The following UTP20 variants were observed in gnomAD, a reference collection of about 807,000 sequenced individuals.
UTP20 encodes UTP20 small subunit processome component.
In UTP20, 164 loss-of-function variants were observed where a neutral mutation model predicts 329.5. The observed-to-expected ratio is 0.50, with a 90% CI of 0.44 to 0.57. The LOEUF is 0.57. Among genes scored for constraint, UTP20 ranks in the 20% least tolerant of loss-of-function variants. The probability of loss-of-function intolerance (pLI) is 0.00; values close to 1 mark genes in which losing one functional copy is unlikely to be tolerated. For missense variants in UTP20, 3,055 were observed against 3,284.2 expected (o/e 0.93, Z 1.71); for synonymous variants, 1,151 against 1,159.3 (o/e 0.99, Z 0.14).
intron 2 of UTP20, among the ~76,000 whole-genome samples, chr12:101,281,958 C>G (rs1871811363): frequency 1.3e-5 from 2 of 152,244 alleles, no homozygotes; most frequent in East Asian, 1.9e-4. Flanking sequence ...TCGCCTTGGC[C>G]TCCGAAAGTG....
At chr12:101,368,320 A>G (rs1350608204) in intron 48 of UTP20, among the ~76,000 whole-genome samples, 12 of 152,042 alleles carry the variant, frequency 7.9e-5, no homozygotes, top group Non-Finnish European at 1.8e-4. Context: ...TTTAGTAGAC[A>G]CGGGGTTTCA....
chr12:101,369,048 G>A (rs1014280303), intron 48 of UTP20, among the ~76,000 whole-genome samples: 2 of 152,166 alleles, frequency 1.3e-5, no homozygotes, highest in Admixed American at 1.3e-4. Flanking sequence ...TTTTGCCATA[G>A]CACTTAACTA....
intron 43 of UTP20, among the ~76,000 whole-genome samples, chr12:101,358,024 G>A (rs564019518): frequency 6.6e-6 from 1 of 152,292 alleles, no homozygotes; most frequent in African/African-American, 2.4e-5. Flanking sequence ...GGTGAAGAAT[G>A]ATGCTCAAAG....
chr12:101,305,605 TA>T, intron 15 of UTP20, among the ~76,000 whole-genome samples: 1 of 137,476 alleles, frequency 7.3e-6, no homozygotes, highest in African/African-American at 3.1e-5. Context: ...AATTAAATAA[TA>T]AATATTATAT....
chr12:101,355,789 T>C (rs1406015238), intron 41 of UTP20, among the ~76,000 whole-genome samples: 1 of 152,172 alleles, frequency 6.6e-6, no homozygotes, highest in Non-Finnish European at 1.5e-5. Flanking sequence ...TAAATATTTA[T>C]TTATATTTTG....
chr12:101,285,655 C>A lies in UTP20; in HGVS notation c.193+19C>A. ...CACTTCGGTATTTTCTATTTCGTTT[C>A]TATTTTATTCACCCATAGTTTGCAC... is the stretch of plus-strand genomic sequence containing the variant. On this transcript the variant is annotated intron_variant, in intron 3 of 61. Transcript: ENST00000261637. 1 of 1,613,714 alleles carries A rather than the reference C, an allele frequency of 6.2e-7. No individual in the cohort carries two copies. The highest frequency in any genetic ancestry group is 8.5e-7 in the Non-Finnish European group (1 of 1,179,790).
chr12:101,383,026 C>T lies in UTP20; in HGVS notation c.7657-15C>T, dbSNP rs1006337493. ...CAATGTCCAATTTCTTCCCCCACCC[C>T]GTTTTTTTTTAAAGGTTGTTAAGAA... On this transcript the variant is annotated splice_polypyrimidine_tract_variant and intron_variant, in intron 58 of 61. Coordinates refer to ENST00000261637, the MANE Select transcript of UTP20 (RefSeq NM_014503.3). 2.3e-5 allele frequency: 36 copies of T among 1,577,600 alleles called. No homozygotes were observed. Among genetic ancestry groups the T allele is most frequent in the Non-Finnish European group, 2.8e-5 (33 of 1,166,288 alleles).
chr12:101,298,162 G>T (rs1442135985), intron 12 of UTP20, among the ~76,000 whole-genome samples: 1 of 152,144 alleles, frequency 6.6e-6, no homozygotes, highest in African/African-American at 2.4e-5. Context: ...ACTACTTACG[G>T]TATCAGGCAC....
At chr12:101,283,968 G>C (rs1161055784) in intron 2 of UTP20, among the ~76,000 whole-genome samples, 2 of 151,606 alleles carry the variant, frequency 1.3e-5, no homozygotes, top group East Asian at 3.9e-4. Flanking sequence ...GATTTCCAAA[G>C]AACAGTTTAA....
At chr12:101,299,285 A>C (rs1354993607) in intron 12 of UTP20, among the ~76,000 whole-genome samples, 1 of 152,232 alleles carries the variant, frequency 6.6e-6, no homozygotes, top group Non-Finnish European at 1.5e-5. Flanking sequence ...ACTTCATCAC[A>C]GTAACTTTGC....
chr12:101,338,412 T>C, intron 30 of UTP20, 135 bp downstream of exon 30: 4 of 795,684 alleles, frequency 5.0e-6, no homozygotes, highest in Non-Finnish European at 8.0e-6. Context: ...TGGGAACTAA[T>C]ACTAATTTAT....
At chr12:101,311,863 G>C (rs1872803579) in intron 20 of UTP20, 65 bp downstream of exon 20, 1 of 1,562,838 alleles carries the variant, frequency 6.4e-7, no homozygotes, top group South Asian at 1.2e-5. Context: ...TGTTTTTATT[G>C]CTTAATTACT....
In UTP20 at chr12:101,362,025, G is replaced by A. The variant is rs779982797; in HGVS notation, c.5755G>A (p.Gly1919Arg). ...LQGLTNKLQVGDLDSCLDIMI... is the reference protein window; with the variant it reads ...LQGLTNKLQVRDLDSCLDIMI... ...AGGCCTCACCAATAAGCTGCAGGTC[G>A]GAGATTTGGACTCTTGTTTAGATAT... Residue 1919 changes from glycine to arginine, a missense_variant, in exon 44 of 62, where the codon GGA becomes AGA. By Grantham distance (125) the Gly-to-Arg change is moderately radical. Around this residue, in one of 3 missense-constraint regions of UTP20, gnomAD observed 2,445 missense variants for 2,575.5 expected, o/e 0.95. Transcript: ENST00000261637. The A allele has an allele frequency of 5.6e-6, 9 of 1,613,354 alleles. No homozygotes were observed. The highest frequency in any genetic ancestry group is 1.3e-5 in the African/African-American group (1 of 74,862).
intron 43 of UTP20, among the ~76,000 whole-genome samples, chr12:101,361,278 A>G (rs1227086983): frequency 6.6e-6 from 1 of 152,142 alleles, no homozygotes; most frequent in Admixed American, 6.6e-5. Flanking sequence ...CTTTGATTAC[A>G]TTCAACATGG....
Position 101,369,756 on chromosome 12 carries a change from C to A in UTP20, c.6420C>A (p.Val2140=). 1 of 1,601,198 alleles carries A rather than the reference C, an allele frequency of 6.2e-7. No individual in the cohort carries two copies. Residue 2140 remains valine, a synonymous_variant, in exon 49 of 62, where the codon GTC becomes GTA. Transcript: ENST00000261637. ...ITGALQCLIW[V]LRFPLPSIET... ...GTGCTTTACAGTGCCTCATCTGGGTCTTGAGGTTCCCGCTACCTTCCATAG... is the reference window on the plus strand; with the variant it reads ...GTGCTTTACAGTGCCTCATCTGGGTATTGAGGTTCCCGCTACCTTCCATAG...
At chr12:101,347,185 G>C (rs376607484) in intron 38 of UTP20, among the ~76,000 whole-genome samples, 14 of 152,240 alleles carry the variant, frequency 9.2e-5, no homozygotes, top group African/African-American at 3.4e-4. Flanking sequence ...GCCTAGAATG[G>C]TGCCTGGCAC....
rs779044360 is a variant in UTP20 at position 101,338,142 on chromosome 12, T to G, written c.3733T>G (p.Ser1245Ala). 8.7e-6 allele frequency: 14 copies of G among 1,614,084 alleles called. No individual in the cohort carries two copies. Among genetic ancestry groups the G allele is most frequent in the African/African-American group, 1.3e-5 (1 of 74,944 alleles). Residue 1245 changes from serine to alanine, a missense_variant, in exon 30 of 62, where the codon TCT (serine) becomes GCT (alanine). Ser to Ala is a moderately conservative substitution (Grantham distance 99, BLOSUM62 1). Coordinates refer to ENST00000261637, the MANE Select transcript of UTP20 (RefSeq NM_014503.3). ...VFAILSAKNL[S>A]DATASIVMDI... ...TGCAATTCTCTCAGCGAAGAATCTT[T>G]CTGATGCCACAGCCAGTATTGTAAT... is the stretch of plus-strand genomic sequence containing the variant.
intron 43 of UTP20, among the ~76,000 whole-genome samples, chr12:101,361,602 C>T (rs1979269): frequency 1.3e-5 from 2 of 151,202 alleles, no homozygotes; most frequent in Non-Finnish European, 2.9e-5. Flanking sequence ...CTCCAGCCTG[C>T]GCTACAAGAG....
At chr12:101,301,866 C>G (rs970013215) in intron 14 of UTP20, among the ~76,000 whole-genome samples, 1 of 152,116 alleles carries the variant, frequency 6.6e-6, no homozygotes, top group Non-Finnish European at 1.5e-5. Context: ...GACCATTATA[C>G]TTGGTACTCA....
Sources: allele counts gnomAD v4.1 joint callset (sites outside exome capture counted in the v4.1 genomes callset), GRCh38; gene constraint gnomAD v4.1.1; regional missense constraint gnomAD v4.1.1; transcripts MANE v1.5; gene names NCBI Gene and HGNC (gene_info 2026-07-23, HGNC 2026-07-21).